Variants in ATP8B1 observed in about 807,000 individuals in gnomAD.
ATP8B1 encodes the protein ATPase phospholipid transporting 8B1.
Under a neutral mutation model 149.9 loss-of-function variants are expected in ATP8B1, and 80 were observed. The ratio of observed to expected loss-of-function variants is 0.53; its 90% CI spans 0.45 to 0.64. The LOEUF is 0.64. Ranked by LOEUF, ATP8B1 falls within the 30% of genes least tolerant of loss-of-function variation. The pLI is 0.00. For synonymous variants in ATP8B1, 536 were observed against 562.8 expected, an observed-to-expected ratio of 0.95 and a Z score of 0.67; for missense variants, 1,247 against 1,552.6, an observed-to-expected ratio of 0.80 and a Z score of 3.31.
chr18:57,649,895 A>G (rs1024043366), intron 27 of ATP8B1, among the ~76,000 whole-genome samples: 11 of 152,164 alleles, frequency 7.2e-5, no homozygotes, highest in Admixed American at 2.6e-4. Flanking sequence ...AACCAGCCCA[A>G]TCCTTTCTTG....
In ATP8B1 at chr18:57,713,157, C is replaced by CTCTTTCTTTCTTTCTTTCTTTCTT. The variant is rs760611716; in HGVS notation, c.182-6594_182-6571dup. On this transcript the variant is annotated intron_variant, in intron 2 of 27. Coordinates refer to ENST00000648908, the MANE Select transcript of ATP8B1 (RefSeq NM_001374385.1). ...GTGCTTTGTCTTGCTCTTGATCTTT[C>CTCTTTCTTTCTTTCTTTCTTTCTT]TCTTTCTTTCTTTCTTTCTTTCTTT... 4.2e-4 allele frequency among the ~76,000 whole-genome samples: 39 copies of CTCTTTCTTTCTTTCTTTCTTTCTT among 92,088 alleles called. 2 individuals carry two copies. Among genetic ancestry groups the CTCTTTCTTTCTTTCTTTCTTTCTT allele is most frequent in the South Asian group, 9.2e-4 (2 of 2,166 alleles). The allele number at this position is 92,088 out of a possible 152,430, so 60.4% of individuals were successfully genotyped here. A position where few individuals can be genotyped will look rare whatever the true frequency, so the allele number is the denominator to read the frequency against.
intron 3 of ATP8B1, among the ~76,000 whole-genome samples, chr18:57,705,885 G>C (rs1913365502): frequency 6.6e-6 from 1 of 152,092 alleles, no homozygotes; most frequent in Admixed American, 6.6e-5. Context: ...TATTGAGACA[G>C]AGTCTCACTC....
chr18:57,691,095 G>C (rs1912503940), intron 12 of ATP8B1, among the ~76,000 whole-genome samples: 1 of 150,566 alleles, frequency 6.6e-6, no homozygotes, highest in South Asian at 2.1e-4. Flanking sequence ...GAACTGCTTG[G>C]ATCCAGGAGG....
intron 1 of ATP8B1, among the ~76,000 whole-genome samples, chr18:57,795,815 T>G (rs2080509847): frequency 6.6e-6 from 1 of 152,088 alleles, no homozygotes; most frequent in Admixed American, 6.6e-5. Context: ...ATGTACCTAA[T>G]GCCACTGAAC....
intron 13 of ATP8B1, among the ~76,000 whole-genome samples, chr18:57,686,613 G>A (rs1383811202): frequency 1.3e-5 from 2 of 152,150 alleles, no homozygotes; most frequent in Non-Finnish European, 2.9e-5. Context: ...TAGAGATGGG[G>A]TTTCATCATA....
intron 1 of ATP8B1, among the ~76,000 whole-genome samples, chr18:57,758,089 G>T (rs965053220): frequency 1.3e-5 from 2 of 152,102 alleles, no homozygotes; most frequent in Admixed American, 6.6e-5. Context: ...TTGGTCCTCA[G>T]CTCAAACGAT....
chr18:57,648,301 T>G lies in ATP8B1; in HGVS notation c.*187A>C. 1.3e-6 allele frequency: 1 copy of G among 771,870 alleles called. No homozygotes were observed. The highest frequency in any genetic ancestry group is 2.1e-6 in the Non-Finnish European group (1 of 465,748). 47.8% of individuals were successfully genotyped at this position (771,870 alleles called of 1,614,324 possible). On this transcript the variant is annotated 3_prime_UTR_variant, in exon 28 of 28. Coordinates refer to ENST00000648908, the MANE Select transcript of ATP8B1 (RefSeq NM_001374385.1). ...ACGCCCGGCCGAATAATAGGACTTT[T>G]AAAAGTCCTATTTCTTGGCTCTGCT...
At chr18:57,677,918 C>T (rs1911700014) in intron 15 of ATP8B1, among the ~76,000 whole-genome samples, 1 of 152,214 alleles carries the variant, frequency 6.6e-6, no homozygotes, top group Middle Eastern at 3.4e-3. Flanking sequence ...ACACTCATAT[C>T]TAGAGCAAAC....
intron 22 of ATP8B1, among the ~76,000 whole-genome samples, chr18:57,658,053 C>CA (rs1910125414): frequency 6.8e-6 from 1 of 146,382 alleles, no homozygotes. Context: ...TCCCTCTTGC[C>CA]TTTTTTTTTT....
At chr18:57,732,935 C>T (rs566114943) in intron 1 of ATP8B1, among the ~76,000 whole-genome samples, 7 of 152,272 alleles carry the variant, frequency 4.6e-5, no homozygotes, top group African/African-American at 1.7e-4. Flanking sequence ...CTAACACTAA[C>T]GTCCTGAGCC....
chr18:57,764,851 G>T (rs9964937), intron 1 of ATP8B1, among the ~76,000 whole-genome samples: 54,511 of 151,246 alleles, frequency 0.36, 10,173 homozygotes, highest in Non-Finnish European at 0.41. Flanking sequence ...AATATAAAAC[G>T]GTGTAGCCAC....
At chr18:57,740,153 C>T (rs2079897814) in intron 1 of ATP8B1, among the ~76,000 whole-genome samples, 1 of 151,968 alleles carries the variant, frequency 6.6e-6, no homozygotes, top group South Asian at 2.1e-4. Flanking sequence ...TTCAATGGCG[C>T]GATCTCAGCT....
intron 14 of ATP8B1, among the ~76,000 whole-genome samples, chr18:57,684,505 G>A (rs1025975889): frequency 1.3e-5 from 2 of 152,030 alleles, no homozygotes; most frequent in South Asian, 2.1e-4. Context: ...ATGGGCCTAC[G>A]GGCATGCACC....
rs778325634 is a variant in ATP8B1 at position 57,731,770 on chromosome 18, T to C, written c.38A>G (p.Glu13Gly). ...CACTTCGTCATTAGGCTGAGAATCC[T>C]CGTCAAATGTCGTTTCTGAGTCTCT... is the stretch of plus-strand genomic sequence containing the variant. ...TERDSETTFD[E>G]DSQPNDEVVP... Residue 13 changes from glutamate (E) to glycine (G), a missense_variant, in exon 2 of 28, where the codon GAG (glutamate) becomes GGG (glycine). Transcript: ENST00000648908. The C allele has an allele frequency of 6.2e-7, 1 of 1,614,146 alleles. No individual in the cohort carries two copies. Among genetic ancestry groups the C allele is most frequent in the South Asian group, 1.1e-5 (1 of 91,078 alleles).
chr18:57,672,931 T>TATATATATATAA (rs1301236712), intron 16 of ATP8B1, among the ~76,000 whole-genome samples: 13 of 33,186 alleles, frequency 3.9e-4, no homozygotes, highest in Admixed American at 6.0e-4. Flanking sequence ...TATATATATA[T>TATATATATATAA]AACATGTATA....
intron 1 of ATP8B1, among the ~76,000 whole-genome samples, chr18:57,799,021 A>G (rs554752898): frequency 5.4e-4 from 82 of 152,246 alleles, no homozygotes; most frequent in Non-Finnish European, 8.5e-4. Context: ...ACAACACAAC[A>G]ATGTATTAAC....
intron 1 of ATP8B1, among the ~76,000 whole-genome samples, chr18:57,794,196 C>T (rs9964863): frequency 0.041 from 6,164 of 152,058 alleles, 413 homozygotes; most frequent in African/African-American, 0.14. Context: ...TTTTTAAACA[C>T]GTAAATCCTT....
chr18:57,800,483 T>A (rs2080563559), intron 1 of ATP8B1, among the ~76,000 whole-genome samples: 1 of 152,184 alleles, frequency 6.6e-6, no homozygotes, highest in East Asian at 1.9e-4. Flanking sequence ...GTTGTTAGAA[T>A]TACCTGCATT....
chr18:57,789,576 A>G (rs2080441685), intron 1 of ATP8B1, among the ~76,000 whole-genome samples: 1 of 152,194 alleles, frequency 6.6e-6, no homozygotes, highest in Non-Finnish European at 1.5e-5. Flanking sequence ...GCCAATTTTA[A>G]AAGTCGGTTT....
Sources: allele counts gnomAD v4.1 joint callset (sites outside exome capture counted in the v4.1 genomes callset), GRCh38; gene constraint gnomAD v4.1.1; transcripts MANE v1.5; gene names NCBI Gene and HGNC (gene_info 2026-07-23, HGNC 2026-07-21).